The following RBX1 variants were observed in gnomAD, a reference collection of about 807,000 sequenced individuals.
RBX1 encodes the protein E3 ubiquitin-protein ligase RBX1.
For synonymous variants in RBX1, 48 were observed against 47.9 expected (o/e 1.00, Z -0.01); for missense variants, 46 against 141.4 (o/e 0.33, Z 3.42).
chr22:40,956,480 G>A (rs1440783008), intron 2 of RBX1, among the ~76,000 whole-genome samples: 3 of 149,732 alleles, frequency 2.0e-5, no homozygotes, highest in African/African-American at 7.4e-5. Context: ...CTCCCAAGTA[G>A]CTGGGACTAC....
intron 2 of RBX1, among the ~76,000 whole-genome samples, chr22:40,958,240 G>A (rs1001699002): frequency 6.6e-6 from 1 of 151,560 alleles, no homozygotes; most frequent in African/African-American, 2.4e-5. Context: ...GCTTACAGGT[G>A]TGAGCCACTG....
At position 40,953,677 on chromosome 22, in the gene RBX1, G is replaced by T. The variant is rs1569041988; in HGVS notation, c.157+44G>T. 2.2e-6 allele frequency: 3 copies of T among 1,362,504 alleles called. No homozygotes were observed. In the Admixed American group the frequency reaches 5.1e-5, roughly 23 times the overall value. The allele number at this position is 1,362,504 out of a possible 1,614,324, so 84.4% of individuals were successfully genotyped here. A position where few individuals can be genotyped will look rare whatever the true frequency, so the allele number is the denominator to read the frequency against. On this transcript the variant is annotated intron_variant, in intron 2 of 4. Coordinates refer to ENST00000216225, the MANE Select transcript of RBX1 (RefSeq NM_014248.4). ...ATGGGAGGAAGTTGAGAAGGTTGCA[G>T]AGATTGTGGCTATCTTGATGTGACT...
At chr22:40,964,181 T>C (rs2058348088) in intron 3 of RBX1, 64 bp downstream of exon 3, 2 of 1,304,594 alleles carry the variant, frequency 1.5e-6, no homozygotes, top group East Asian at 2.3e-5. Context: ...CCTGCTTTGC[T>C]AGTCTTGAAA....
intron 1 of RBX1, 145 bp from the exon 2 acceptor site, chr22:40,953,410 T>C (rs1202822329): frequency 3.5e-6 from 2 of 571,670 alleles, no homozygotes; most frequent in East Asian, 6.3e-5. Context: ...TTTGGTATAA[T>C]AAGATTAACG....
At chr22:40,965,843 T>C (rs1200736398) in intron 3 of RBX1, among the ~76,000 whole-genome samples, 1 of 152,190 alleles carries the variant, frequency 6.6e-6, no homozygotes, top group East Asian at 1.9e-4. Context: ...TAATCGTTCA[T>C]GGGGATAAAG....
chr22:40,957,439 A>G (rs1036820340), intron 2 of RBX1, among the ~76,000 whole-genome samples: 3 of 151,858 alleles, frequency 2.0e-5, no homozygotes, highest in Admixed American at 6.6e-5. Context: ...TGAGCCTAGG[A>G]GTTCAAGACC....
intron 2 of RBX1, among the ~76,000 whole-genome samples, chr22:40,961,831 C>G (rs1601537132): frequency 6.6e-6 from 1 of 152,118 alleles, no homozygotes; most frequent in East Asian, 1.9e-4. Flanking sequence ...GTCACCCAGG[C>G]TGGAATGCAG....
intron 3 of RBX1, chr22:40,966,349 T>C (rs2058354394): frequency 6.6e-6 from 1 of 152,190 alleles, no homozygotes; most frequent in African/African-American, 2.4e-5. Flanking sequence ...CGTGGTATGC[T>C]CTGACTTAGT....
At chr22:40,965,764 C>T (rs1251049457) in intron 3 of RBX1, among the ~76,000 whole-genome samples, 1 of 152,186 alleles carries the variant, frequency 6.6e-6, no homozygotes, top group Non-Finnish European at 1.5e-5. Flanking sequence ...TTCGGGTACA[C>T]CTTCTTCCAT....
At chr22:40,965,137 A>C (rs1425987653) in intron 3 of RBX1, among the ~76,000 whole-genome samples, 1 of 152,040 alleles carries the variant, frequency 6.6e-6, no homozygotes, top group African/African-American at 2.4e-5. Context: ...CCCCGTCTCT[A>C]CTAAAAATAC....
chr22:40,967,787 GT>G lies in RBX1; in HGVS notation c.229-8del. ...TAGAGTTATTTTTAATAAAATATATGTTTTCTTTCAGCATGCTTTTCACTTC... is the reference window on the plus strand; with the variant it reads ...TAGAGTTATTTTTAATAAAATATATGTTTCTTTCAGCATGCTTTTCACTTC... On this transcript the variant is annotated splice_polypyrimidine_tract_variant and intron_variant, in intron 3 of 4. Transcript: ENST00000216225. 6.2e-7 allele frequency: 1 copy of G among 1,610,656 alleles called. No individual in the cohort carries two copies. Among genetic ancestry groups the G allele is most frequent in the South Asian group, 1.1e-5 (1 of 90,954 alleles).
At chr22:40,952,983 CTTTTTTTTTTTTT>C (rs34618218) in intron 1 of RBX1, among the ~76,000 whole-genome samples, 1 of 86,872 alleles carries the variant, frequency 1.2e-5, no homozygotes, top group African/African-American at 3.8e-5. Flanking sequence ...AGTTTGTGCC[CTTTTTTTTTTTTT>C]TTTTTTTTTT....
intron 2 of RBX1, among the ~76,000 whole-genome samples, chr22:40,962,026 C>T (rs941386496): frequency 3.7e-4 from 56 of 152,134 alleles, no homozygotes; most frequent in African/African-American, 7.2e-5. Flanking sequence ...TCAAGTGATC[C>T]GTCACCCTCG....
chr22:40,971,586 C>G (rs937883655), intron 4 of RBX1, among the ~76,000 whole-genome samples: 1 of 152,116 alleles, frequency 6.6e-6, no homozygotes, highest in East Asian at 1.9e-4. Context: ...GACAGAGTCT[C>G]ACTGTGTCAC....
chr22:40,965,367 TCAG>T (rs1601538473), intron 3 of RBX1, among the ~76,000 whole-genome samples: 1 of 150,770 alleles, frequency 6.6e-6, no homozygotes, highest in Non-Finnish European at 1.5e-5. Flanking sequence ...GATGGTGTTC[TCAG>T]TAGTTTTTCC....
intron 4 of RBX1, among the ~76,000 whole-genome samples, chr22:40,971,722 A>G (rs1374867468): frequency 6.6e-6 from 1 of 151,866 alleles, no homozygotes; most frequent in Non-Finnish European, 1.5e-5. Flanking sequence ...ACGCCCAGCT[A>G]ATTTTTGTAT....
At chr22:40,958,566 C>T (rs1244116238) in intron 2 of RBX1, among the ~76,000 whole-genome samples, 1 of 152,036 alleles carries the variant, frequency 6.6e-6, no homozygotes, top group African/African-American at 2.4e-5. Flanking sequence ...TTCTGCATGC[C>T]CTCCTGTACC....
At chr22:40,963,378 G>A (rs1187080138) in intron 2 of RBX1, among the ~76,000 whole-genome samples, 1 of 151,854 alleles carries the variant, frequency 6.6e-6, no homozygotes, top group Non-Finnish European at 1.5e-5. Context: ...GCTCATGCCT[G>A]TAATCCCAGC....
intron 3 of RBX1, chr22:40,966,952 C>CA (rs2058355995): frequency 6.6e-6 from 1 of 152,124 alleles, no homozygotes; most frequent in Non-Finnish European, 1.5e-5. Context: ...GAGCCCACGC[C>CA]AAAAAACTGC....
Sources: allele counts gnomAD v4.1 joint callset (sites outside exome capture counted in the v4.1 genomes callset), GRCh38; gene constraint gnomAD v4.1.1; transcripts MANE v1.5; gene names NCBI Gene and HGNC (gene_info 2026-07-23, HGNC 2026-07-21).